The following ANKRD12 variants were observed in gnomAD, a reference collection of about 807,000 sequenced individuals.
ANKRD12 encodes the protein ankyrin repeat domain-containing protein 12.
In ANKRD12, 85 loss-of-function variants were observed where a neutral mutation model predicts 183.4. The ratio of observed to expected loss-of-function variants is 0.46; its 90% confidence interval spans 0.39 to 0.56. The LOEUF (loss-of-function observed/expected upper bound fraction) is 0.56, where lower values mean the gene tolerates loss of function less well. Ranked by LOEUF, ANKRD12 falls within the 20% of genes least tolerant of loss-of-function variation. The probability of loss-of-function intolerance (pLI) is 0.00; values close to 1 mark genes in which losing one functional copy is unlikely to be tolerated. For synonymous variants in ANKRD12, 914 were observed against 800.2 expected (o/e 1.14, Z -2.40); for missense variants, 2,405 against 2,357.1 (o/e 1.02, Z -0.42).
chr18:9,176,371 A>C (rs796815300), intron 1 of ANKRD12, among the ~76,000 whole-genome samples: 2 of 151,866 alleles, frequency 1.3e-5, no homozygotes, highest in African/African-American at 4.8e-5. Context: ...CCTTACTGCA[A>C]CCTCTGCTTC....
intron 10 of ANKRD12, among the ~76,000 whole-genome samples, chr18:9,273,932 G>A (rs2039719039): frequency 6.6e-6 from 1 of 152,226 alleles, no homozygotes. Context: ...TCACATGGGA[G>A]CCAAAGACGT....
intron 8 of ANKRD12, among the ~76,000 whole-genome samples, chr18:9,241,721 G>A (rs903596379): frequency 1.3e-5 from 2 of 152,214 alleles, no homozygotes; most frequent in East Asian, 3.9e-4. Flanking sequence ...GCTTTCTAAC[G>A]TATGTGGTGT....
chr18:9,182,557 C>G, intron 2 of ANKRD12, 38 bp downstream of exon 2: 1 of 1,387,472 alleles, frequency 7.2e-7, no homozygotes, highest in Non-Finnish European at 9.9e-7. Flanking sequence ...ACTTTTTGAA[C>G]TGGGAAAAAG....
At chr18:9,267,025 A>T (rs1176042542) in intron 10 of ANKRD12, among the ~76,000 whole-genome samples, 1 of 152,192 alleles carries the variant, frequency 6.6e-6, no homozygotes, top group African/African-American at 2.4e-5. Flanking sequence ...AAAGAAGGCC[A>T]TTACATAATG....
At position 9,285,711 on chromosome 18, in the gene ANKRD12, C is replaced by G. The variant is rs904461971; in HGVS notation, c.*4585C>G. ...CTCATGCCTCTCTCCAGTCACTACCCCTGAGGCAGCCACTGTGCTGATTTC... is the reference window on the plus strand; with the variant it reads ...CTCATGCCTCTCTCCAGTCACTACCGCTGAGGCAGCCACTGTGCTGATTTC... On this transcript the variant is annotated 3_prime_UTR_variant, in exon 13 of 13. Transcript: ENST00000262126. The G allele has an allele frequency of 6.6e-6, 1 of 152,106 alleles. No homozygotes were observed. Among genetic ancestry groups the G allele is most frequent in the Admixed American group, 6.6e-5 (1 of 15,256 alleles). 9.4% of individuals were successfully genotyped at this position (152,106 alleles called of 1,614,324 possible). A position where few individuals can be genotyped will look rare whatever the true frequency, so the allele number is the denominator to read the frequency against.
At chr18:9,271,147 C>G (rs1354502329) in intron 10 of ANKRD12, among the ~76,000 whole-genome samples, 2 of 152,140 alleles carry the variant, frequency 1.3e-5, no homozygotes, top group Non-Finnish European at 2.9e-5. Flanking sequence ...TCATGGCTCA[C>G]TGCAGCCTCA....
chr18:9,161,760 A>G (rs1416337556), intron 1 of ANKRD12, among the ~76,000 whole-genome samples: 5 of 151,622 alleles, frequency 3.3e-5, no homozygotes, highest in Non-Finnish European at 7.4e-5. Context: ...GTGTATATAT[A>G]TATAAAATAT....
chr18:9,150,642 ATTTATT>A (rs925858728), intron 1 of ANKRD12, among the ~76,000 whole-genome samples: 4 of 151,782 alleles, frequency 2.6e-5, no homozygotes, highest in Non-Finnish European at 4.4e-5. Context: ...TTTTTTTAAA[ATTTATT>A]TTTATTTTTT....
intron 2 of ANKRD12, among the ~76,000 whole-genome samples, chr18:9,184,861 T>C (rs555846583): frequency 6.6e-6 from 1 of 152,348 alleles, no homozygotes; most frequent in Admixed American, 6.5e-5. Context: ...TAAATGTTAT[T>C]ATGAAGATAC....
At chr18:9,241,852 A>C (rs2145006589) in intron 8 of ANKRD12, among the ~76,000 whole-genome samples, 1 of 151,914 alleles carries the variant, frequency 6.6e-6, no homozygotes, top group African/African-American at 2.4e-5. Flanking sequence ...TAATTATATC[A>C]GCCTAGCTCC....
intron 11 of ANKRD12, among the ~76,000 whole-genome samples, 181 bp from the exon 12 acceptor site, chr18:9,279,368 A>G (rs2040002205): frequency 6.6e-6 from 1 of 152,180 alleles, no homozygotes; most frequent in African/African-American, 2.4e-5. Flanking sequence ...CTAATAACCA[A>G]TCTGTCTACA....
rs140466113 is a variant in ANKRD12 at position 9,279,860 on chromosome 18, T to C, written c.6003+216T>C. On this transcript the variant is annotated intron_variant, in intron 12 of 12. Coordinates refer to ENST00000262126, the MANE Select transcript of ANKRD12 (RefSeq NM_015208.5). ...GGAAACTGCCACAGAAAATGCAGTT[T>C]CTAGTGTGGGTCTTCATGCTTACTA... Among the ~76,000 whole-genome samples the C allele has an allele frequency of 7.6e-3, 1,152 of 152,246 alleles. 23 individuals are homozygous for C. Among genetic ancestry groups the C allele is most frequent in the African/African-American group, 0.026 (1,089 of 41,536 alleles).
At chr18:9,265,513 C>T (rs559967014) in intron 10 of ANKRD12, among the ~76,000 whole-genome samples, 13 of 152,244 alleles carry the variant, frequency 8.5e-5, no homozygotes, top group South Asian at 6.2e-4. Context: ...CCCACACAAA[C>T]GGTCTGGAGT....
rs1250173569 is a variant in ANKRD12, at chr18:9,284,559, TTAGA to T, written c.*3436_*3439del. On this transcript the variant is annotated 3_prime_UTR_variant, in exon 13 of 13. Transcript: ENST00000262126. ...TTAAATATTTAGGGCAAAATTTTTG[TTAGA>T]TAATAATGGAAAAGCTTGTGTGAGT... 6 of 152,222 alleles carry T rather than the reference TTAGA, an allele frequency of 3.9e-5. No homozygotes were observed. Among genetic ancestry groups the T allele is most frequent in the African/African-American group, 4.8e-5 (2 of 41,466 alleles). 9.4% of individuals were successfully genotyped at this position (152,222 alleles called of 1,614,324 possible).
chr18:9,181,803 A>G (rs946240921), intron 1 of ANKRD12, among the ~76,000 whole-genome samples: 1 of 152,222 alleles, frequency 6.6e-6, no homozygotes, highest in Non-Finnish European at 1.5e-5. Context: ...AGAATAGGAA[A>G]GAGAAGGCTG....
At position 9,254,466 on chromosome 18, in the gene ANKRD12, C is replaced by T; in HGVS notation, c.1199C>T (p.Ala400Val). The change falls in exon 9 of 13, where the codon GCA (alanine) becomes GTA (valine). Residue 400 changes from alanine (A) to valine (V), a missense_variant. By Grantham distance (64) the Ala-to-Val change is moderately conservative (BLOSUM62 0). Coordinates refer to ENST00000262126, the MANE Select transcript of ANKRD12 (RefSeq NM_015208.5). Reference protein sequence around the residue: ...EPEAEKTHLFAKQEKAFYPKS... With the variant: ...EPEAEKTHLFVKQEKAFYPKS... ...GAAGCAGAAAAAACTCATTTATTTG[C>T]AAAACAGGAGAAAGCCTTCTATCCT... The T allele has an allele frequency of 6.4e-7, 1 of 1,563,572 alleles. No homozygotes were observed.
At chr18:9,199,958 T>C (rs924258134) in intron 3 of ANKRD12, among the ~76,000 whole-genome samples, 1 of 152,200 alleles carries the variant, frequency 6.6e-6, no homozygotes. Flanking sequence ...GCTTGAATTC[T>C]TGAGATAATG....
chr18:9,182,892 A>C (rs1165555716), intron 2 of ANKRD12, among the ~76,000 whole-genome samples: 1 of 152,172 alleles, frequency 6.6e-6, no homozygotes, highest in Non-Finnish European at 1.5e-5. Context: ...ATTGTCTCCT[A>C]ACTGGTCTTG....
chr18:9,190,638 C>T (rs968370707), intron 2 of ANKRD12, among the ~76,000 whole-genome samples: 1 of 152,108 alleles, frequency 6.6e-6, no homozygotes, highest in African/African-American at 2.4e-5. Context: ...AATAGCCACC[C>T]CAACCATCAA....
Sources: allele counts gnomAD v4.1 joint callset (sites outside exome capture counted in the v4.1 genomes callset), GRCh38; gene constraint gnomAD v4.1.1; transcripts MANE v1.5; gene names NCBI Gene and HGNC (gene_info 2026-07-23, HGNC 2026-07-21).